Variants in TCP10L observed in about 807,000 individuals in gnomAD.
TCP10L encodes t-complex 10 like, also known as T-complex protein 10A homolog 1.
A neutral mutation model predicts 19.2 loss-of-function variants in TCP10L; 11 were observed. The observed-to-expected ratio is 0.57, with a 90% CI of 0.36 to 0.95. The LOEUF (loss-of-function observed/expected upper bound fraction) is 0.95. Ranked by LOEUF, TCP10L falls within the 40% of genes least tolerant of loss-of-function variation. The probability of loss-of-function intolerance (pLI) is 0.01; values close to 1 mark genes in which losing one functional copy is unlikely to be tolerated. For missense variants in TCP10L, 247 were observed against 263.9 expected (o/e 0.94, Z 0.44); for synonymous variants, 96 against 97.2 (o/e 0.99, Z 0.07).
chr21:32,576,221 C>G lies in TCP10L; in HGVS notation c.*553G>C. On this transcript the variant is annotated 3_prime_UTR_variant, in exon 5 of 5. Coordinates refer to ENST00000300258, the MANE Select transcript of TCP10L (RefSeq NM_144659.7). The stretch of plus-strand genomic sequence containing the variant: ...CCCCAACTCTGCTCACCAGCTCCTC[C>G]GGCTGCTGCCATCTGCTCCTGCAGC... 2 of 1,511,400 alleles carry G rather than the reference C, an allele frequency of 1.3e-6. No homozygotes were observed. Among genetic ancestry groups the G allele is most frequent in the South Asian group, 2.4e-5 (2 of 84,522 alleles). The allele number at this position is 1,511,400 out of a possible 1,614,324, so 93.6% of individuals were successfully genotyped here. A position where few individuals can be genotyped will look rare whatever the true frequency, so the allele number is the denominator to read the frequency against.
In TCP10L at chr21:32,584,358, C is replaced by T. The variant is rs559021692; in HGVS notation, c.-1-53G>A. ...ACACTTGAATGCAGCCCTCCTACCC[C>T]GTCAGTGTGGGCTGAAGGCCCCAGC... is the stretch of plus-strand genomic sequence containing the variant. On this transcript the variant is annotated intron_variant, in intron 1 of 4. Coordinates refer to ENST00000300258, the MANE Select transcript of TCP10L (RefSeq NM_144659.7). 229 of 1,574,306 alleles carry T rather than the reference C, an allele frequency of 1.5e-4. 1 individual carries two copies. The highest frequency in any genetic ancestry group is 9.4e-4 in the African/African-American group (70 of 74,212).
In TCP10L at chr21:32,578,835, A is replaced by G; in HGVS notation, c.361-4T>C. On this transcript the variant is annotated splice_region_variant and splice_polypyrimidine_tract_variant and intron_variant, in intron 3 of 4. Transcript: ENST00000300258. This position sits in a 1 kb window ranked among gnomAD's most constrained non-coding sequence, Gnocchi z 4.2. ...TTCCAAAAGCAGGTTCCAATGCCTAAAAGACAAAATGCAGGGAAATTCTTC... is the reference window on the plus strand; with the variant it reads ...TTCCAAAAGCAGGTTCCAATGCCTAGAAGACAAAATGCAGGGAAATTCTTC... The G allele has an allele frequency of 6.2e-7, 1 of 1,614,108 alleles. No homozygotes were observed. The highest frequency in any genetic ancestry group is 1.1e-5 in the South Asian group (1 of 91,008).
chr21:32,576,835 T>C lies in TCP10L; in HGVS notation c.587A>G (p.Asp196Gly), dbSNP rs1233752300. 6.2e-7 allele frequency: 1 copy of C among 1,614,098 alleles called. No individual in the cohort carries two copies. The highest frequency in any genetic ancestry group is 8.5e-7 in the Non-Finnish European group (1 of 1,180,038). The change falls in exon 5 of 5, where the codon GAC becomes GGC. Residue 196 changes from aspartate to glycine, a missense_variant. Asp to Gly is a moderately conservative substitution (Grantham distance 94). Transcript: ENST00000300258. The stretch of plus-strand genomic sequence containing the variant: ...CCTTCCAGTAGGTGTTGCTCTTCTG[T>C]CTTGACGTCTCCTGGAAAGATTTTT... ...RDKNLSRRRQ[D>G]RRATPTGRPT...
At chr21:32,579,628 G>T (rs1223922148) in intron 3 of TCP10L, among the ~76,000 whole-genome samples, 1 of 152,076 alleles carries the variant, frequency 6.6e-6, no homozygotes, top group African/African-American at 2.4e-5. Context: ...TGCACAGAAT[G>T]GAAAAATATT....
intron 2 of TCP10L, among the ~76,000 whole-genome samples, chr21:32,583,501 A>G (rs1374282849): frequency 1.3e-5 from 2 of 148,470 alleles, no homozygotes; most frequent in African/African-American, 4.9e-5. Flanking sequence ...AGGCAGGAGA[A>G]TGGCGTGAAC....
intron 2 of TCP10L, among the ~76,000 whole-genome samples, chr21:32,583,655 T>A (rs1240064108): frequency 6.6e-6 from 1 of 151,408 alleles, no homozygotes; most frequent in Non-Finnish European, 1.5e-5. Flanking sequence ...CATGTTAGCC[T>A]TCCCCTGGGA....
chr21:32,584,575 C>T (rs933865061), intron 1 of TCP10L, among the ~76,000 whole-genome samples: 7 of 152,160 alleles, frequency 4.6e-5, no homozygotes, highest in African/African-American at 1.7e-4. Flanking sequence ...ACCTAACACA[C>T]TCCAGTCATC....
chr21:32,576,031 G>T lies in TCP10L; in HGVS notation c.*743C>A. On this transcript the variant is annotated 3_prime_UTR_variant, in exon 5 of 5. Coordinates refer to ENST00000300258, the MANE Select transcript of TCP10L (RefSeq NM_144659.7). ...CTGTGTGTGGGGTGGAGGGCTGGGGGTGTTGGCAAGTCTCACAGGTGAGGA... is the reference window on the plus strand; with the variant it reads ...CTGTGTGTGGGGTGGAGGGCTGGGGTTGTTGGCAAGTCTCACAGGTGAGGA... The T allele has an allele frequency of 2.6e-6, 1 of 385,432 alleles. No homozygotes were observed. The highest frequency in any genetic ancestry group is 3.7e-5 in the Admixed American group (1 of 27,144). 23.9% of individuals were successfully genotyped at this position (385,432 alleles called of 1,614,324 possible). A position where few individuals can be genotyped will look rare whatever the true frequency, so the allele number is the denominator to read the frequency against.
chr21:32,583,024 CTTTTT>C (rs59972145), intron 2 of TCP10L, among the ~76,000 whole-genome samples: 222 of 94,790 alleles, frequency 2.3e-3, no homozygotes, highest in African/African-American at 8.1e-3. Flanking sequence ...CATTCTTTTC[CTTTTT>C]TTTTTTTTTT....
In TCP10L at chr21:32,582,786, G is replaced by A. The variant is rs1486705952; in HGVS notation, c.145-371C>T. The stretch of plus-strand genomic sequence containing the variant: ...TTTTGTATTTTTACTCGGGATGGGG[G>A]TTCACCATGTTGCCCAGACTGGTCT... On this transcript the variant is annotated intron_variant, in intron 2 of 4. Transcript: ENST00000300258. The surrounding 1 kb of genome is among the most constrained non-coding windows in gnomAD (Gnocchi z 4.2). Among the ~76,000 whole-genome samples the A allele has an allele frequency of 6.6e-6, 1 of 151,818 alleles. No individual in the cohort carries two copies. Among genetic ancestry groups the A allele is most frequent in the Non-Finnish European group, 1.5e-5 (1 of 67,970 alleles).
In TCP10L at chr21:32,582,207, T is replaced by C. The variant is rs750791106; in HGVS notation, c.353A>G (p.His118Arg). 1 of 1,614,062 alleles carries C rather than the reference T, an allele frequency of 6.2e-7. No homozygotes were observed. The highest frequency in any genetic ancestry group is 8.5e-7 in the Non-Finnish European group (1 of 1,179,990). ...TAAATGCGCTTTTGGTACCAGAGTG[T>C]GCGATTCTTGCCCCGCGTGTGGGGA... ...AASPHAGQES[H>R]TLALEPAFGK... The change falls in exon 3 of 5, where the codon CAC (histidine) becomes CGC (arginine). Residue 118 changes from histidine to arginine, a missense_variant. By Grantham distance (29) the His-to-Arg change is conservative (BLOSUM62 0). Coordinates refer to ENST00000300258, the MANE Select transcript of TCP10L (RefSeq NM_144659.7). This position sits in a 1 kb window ranked among gnomAD's most constrained non-coding sequence, Gnocchi z 4.2.
intron 1 of TCP10L, among the ~76,000 whole-genome samples, chr21:32,584,734 G>A (rs114066730): frequency 1.3e-5 from 2 of 152,020 alleles, no homozygotes; most frequent in South Asian, 4.2e-4. Flanking sequence ...TGGTCTCAGG[G>A]TGTGAGCAGG....
Position 32,582,269 on chromosome 21 carries a change from C to A in TCP10L, c.291G>T (p.Gln97His). The stretch of plus-strand genomic sequence containing the variant: ...TCTTCCTGGCTTTCCACCGCTGCAG[C>A]TGCAGAGCTCTCAGCTTTTCTCGGA... ...MELREKLRALQLQRWKARKKS... is the reference protein window; with the variant it reads ...MELREKLRALHLQRWKARKKS... The change falls in exon 3 of 5, where the codon CAG becomes CAT. Residue 97 changes from glutamine to histidine, a missense_variant. By Grantham distance (24) the Gln-to-His change is conservative. Transcript: ENST00000300258. The surrounding 1 kb of genome is among the most constrained non-coding windows in gnomAD (Gnocchi z 4.2). 1 of 1,614,206 alleles carries A rather than the reference C, an allele frequency of 6.2e-7. No homozygotes were observed. Among genetic ancestry groups the A allele is most frequent in the Non-Finnish European group, 8.5e-7 (1 of 1,180,042 alleles).
chr21:32,580,036 G>A (rs780358392), intron 3 of TCP10L, among the ~76,000 whole-genome samples: 4 of 152,202 alleles, frequency 2.6e-5, no homozygotes, highest in South Asian at 2.1e-4. Flanking sequence ...CAGAGCTCCC[G>A]AAGAGTGGGA....
chr21:32,578,732 C>A lies in TCP10L; in HGVS notation c.460G>T (p.Gly154Ter), dbSNP rs2038460984. The change falls in exon 4 of 5, where the codon GGA (glycine) becomes TGA (stop). Residue 154 changes from glycine to a stop codon, truncating the protein, a stop_gained. Transcript: ENST00000300258. LOFTEE classifies it low-confidence loss of function (END_TRUNC). The surrounding 1 kb of genome is among the most constrained non-coding windows in gnomAD (Gnocchi z 4.2). ...GAATTGTTAGATGACGATCTTTGTC[C>A]CAGGAGAGTGGCACTCTGATTCTTG... Reference protein sequence around the residue: ...GHKNQSATLLGQRSSSNNSAP... With the variant: ...GHKNQSATLL The A allele has an allele frequency of 6.2e-7, 1 of 1,614,118 alleles. No individual in the cohort carries two copies. Among genetic ancestry groups the A allele is most frequent in the Non-Finnish European group, 8.5e-7 (1 of 1,180,022 alleles).
At chr21:32,580,634 C>T (rs2038483772) in intron 3 of TCP10L, among the ~76,000 whole-genome samples, 1 of 152,128 alleles carries the variant, frequency 6.6e-6, no homozygotes, top group South Asian at 2.1e-4. Flanking sequence ...TAAGAAATAT[C>T]CCCACTTACG....
rs2038435683 is a variant in TCP10L, at chr21:32,576,527, A to G, written c.*247T>C. ...GACTCTGCAGAAATATACCAACTAC[A>G]GAGCTCAGGAAAGCAACTGATTTAT... On this transcript the variant is annotated 3_prime_UTR_variant, in exon 5 of 5. Transcript: ENST00000300258. 3.3e-6 allele frequency: 2 copies of G among 607,900 alleles called. No individual in the cohort carries two copies. Among genetic ancestry groups the G allele is most frequent in the Non-Finnish European group, 5.6e-6 (2 of 356,024 alleles). 37.7% of individuals were successfully genotyped at this position (607,900 alleles called of 1,614,324 possible). A position where few individuals can be genotyped will look rare whatever the true frequency, so the allele number is the denominator to read the frequency against.
At chr21:32,585,141 C>G (rs764485082) in intron 1 of TCP10L, among the ~76,000 whole-genome samples, 44 of 152,252 alleles carry the variant, frequency 2.9e-4, no homozygotes, top group South Asian at 8.3e-4. Context: ...CCACAGTGAT[C>G]GGAGAAATGC....
In TCP10L at chr21:32,576,471, C is replaced by G. The variant is rs2038434835; in HGVS notation, c.*303G>C. ...AGGGCTCACCCAACAGCCCGACACT[C>G]CATACTACAAGGTGGGTTAATTTTT... On this transcript the variant is annotated 3_prime_UTR_variant, in exon 5 of 5. Coordinates refer to ENST00000300258, the MANE Select transcript of TCP10L (RefSeq NM_144659.7). 1.6e-6 allele frequency: 1 copy of G among 641,394 alleles called. No homozygotes were observed. Among genetic ancestry groups the G allele is most frequent in the Non-Finnish European group, 2.6e-6 (1 of 379,756 alleles). The allele number at this position is 641,394 out of a possible 1,614,324, so 39.7% of individuals were successfully genotyped here. A position where few individuals can be genotyped will look rare whatever the true frequency, so the allele number is the denominator to read the frequency against.
Sources: gnomAD v4.1 joint callset for allele counts (sites outside exome capture counted in the v4.1 genomes callset) on GRCh38, gnomAD v4.1.1 for gene constraint, Gnocchi (gnomAD v3.1) non-coding constraint, MANE v1.5 for transcripts, NCBI Gene and HGNC (gene_info 2026-07-23, HGNC 2026-07-21) for gene names.